Variants in RHBDD1 observed in about 807,000 individuals in gnomAD.
RHBDD1 encodes rhomboid domain containing 1.
Under a neutral mutation model 36.3 loss-of-function variants are expected in RHBDD1, and 38 were observed. The observed-to-expected ratio is 1.05, with a 90% CI of 0.81 to 1.37. The LOEUF is 1.37. RHBDD1 is among the 40% of genes most tolerant of loss of function. RHBDD1 has a pLI of 0.00. For missense variants in RHBDD1, 393 were observed against 377.6 expected (o/e 1.04, Z -0.34); for synonymous variants, 151 against 136.5 (o/e 1.11, Z -0.74).
At chr2:226,908,587 AC>A in intron 6 of RHBDD1, 1 of 402,784 alleles carries the variant, frequency 2.5e-6, no homozygotes, top group Admixed American at 3.9e-5. Context: ...TCCACTACAC[AC>A]ACACACACAC....
the RHBDD1 span, among the ~76,000 whole-genome samples, chr2:226,824,997 T>C: frequency 1.3e-5 from 2 of 152,256 alleles, no homozygotes; most frequent in African/African-American, 2.4e-5. Context: ...CTACTGTTAT[T>C]ATCACAGACT....
chr2:226,805,783 T>C, the RHBDD1 span, among the ~76,000 whole-genome samples: 1 of 152,252 alleles, frequency 6.6e-6, no homozygotes, highest in South Asian at 2.1e-4. Flanking sequence ...TCCCATGCCC[T>C]CTATTCAGTG....
chr2:226,995,170 A>G (rs1959119077), intron 8 of RHBDD1, among the ~76,000 whole-genome samples: 1 of 152,212 alleles, frequency 6.6e-6, no homozygotes, highest in African/African-American at 2.4e-5. Flanking sequence ...AGCACGATGG[A>G]AGGAAAAATA....
chr2:226,916,094 A>G (rs371935453), intron 8 of RHBDD1, among the ~76,000 whole-genome samples: 2 of 152,222 alleles, frequency 1.3e-5, no homozygotes, highest in East Asian at 1.9e-4. Flanking sequence ...GGTTTACAGG[A>G]GAGTGCAGAA....
intron 8 of RHBDD1, among the ~76,000 whole-genome samples, chr2:226,991,844 C>A (rs942387527): frequency 6.6e-6 from 1 of 152,168 alleles, no homozygotes; most frequent in South Asian, 2.1e-4. Flanking sequence ...TCAGTAGCCT[C>A]CTCTCACGTA....
chr2:226,875,921 A>G (rs1945198608), intron 5 of RHBDD1, among the ~76,000 whole-genome samples: 1 of 152,244 alleles, frequency 6.6e-6, no homozygotes, highest in Admixed American at 6.5e-5. Flanking sequence ...GCACATGAAC[A>G]TGTGAAGGAT....
chr2:226,851,965 C>G (rs1942858708), intron 3 of RHBDD1, among the ~76,000 whole-genome samples: 1 of 152,164 alleles, frequency 6.6e-6, no homozygotes, highest in South Asian at 2.1e-4. Flanking sequence ...GTTCTTCAGC[C>G]ATTCTATCCT....
At chr2:226,869,573 A>T (rs1328672216) in intron 5 of RHBDD1, among the ~76,000 whole-genome samples, 2 of 152,198 alleles carry the variant, frequency 1.3e-5, no homozygotes, top group Non-Finnish European at 2.9e-5. Flanking sequence ...AAATCTGCCA[A>T]AGCAAACATT....
intron 3 of RHBDD1, among the ~76,000 whole-genome samples, chr2:226,849,222 G>A (rs1313607527): frequency 6.6e-6 from 1 of 152,240 alleles, no homozygotes; most frequent in Admixed American, 6.5e-5. Context: ...TAATGCTAAA[G>A]CCAGTCAGTA....
Position 226,978,767 on chromosome 2 carries a change from C to T in RHBDD1, c.857-16664C>T, listed in dbSNP as rs567738844. Among the ~76,000 whole-genome samples, 7 of 152,286 alleles carry T rather than the reference C, an allele frequency of 4.6e-5. No individual in the cohort carries two copies. In the South Asian group the frequency reaches 1.5e-3, roughly 32 times the overall value. ...TCCTGTGAGAGCTTCAGGCAAAGGA[C>T]CCTCACTGGGGGTGATCAGAGGACA... On this transcript the variant is annotated intron_variant, in intron 8 of 8. Coordinates refer to ENST00000392062, the MANE Select transcript of RHBDD1 (RefSeq NM_001167608.3).
chr2:226,831,056 G>A (rs2124864096), upstream of RHBDD1, among the ~76,000 whole-genome samples: 1 of 152,272 alleles, frequency 6.6e-6, no homozygotes, highest in East Asian at 1.9e-4. Flanking sequence ...ATACTTCATT[G>A]GGAATTTTTG....
chr2:226,848,883 G>A (rs1288714475), intron 3 of RHBDD1, among the ~76,000 whole-genome samples: 1 of 152,160 alleles, frequency 6.6e-6, no homozygotes, highest in Non-Finnish European at 1.5e-5. Flanking sequence ...GATTGAATAG[G>A]GTAATCATGT....
intron 8 of RHBDD1, among the ~76,000 whole-genome samples, chr2:226,974,878 A>G (rs1186411786): frequency 1.3e-5 from 2 of 152,212 alleles, no homozygotes; most frequent in African/African-American, 4.8e-5. Flanking sequence ...GCTCAGGGAC[A>G]TCCTGGAGAT....
chr2:226,819,977 GTTT>G, the RHBDD1 span, among the ~76,000 whole-genome samples: 5,858 of 118,394 alleles, frequency 0.049, 134 homozygotes, highest in African/African-American at 0.076. Flanking sequence ...TATTGTGTGT[GTTT>G]TTTTTTTTTT....
At chr2:226,966,152 T>A (rs953543395) in intron 8 of RHBDD1, among the ~76,000 whole-genome samples, 1 of 152,146 alleles carries the variant, frequency 6.6e-6, no homozygotes, top group Non-Finnish European at 1.5e-5. Flanking sequence ...CCAGCATTAT[T>A]TGGGTGAGTA....
At chr2:226,952,293 GTTTTT>G (rs5839184) in intron 8 of RHBDD1, among the ~76,000 whole-genome samples, 9 of 71,218 alleles carry the variant, frequency 1.3e-4, no homozygotes, top group African/African-American at 4.7e-4. Flanking sequence ...TTTTGGTTTG[GTTTTT>G]TTTTTTTTTT....
Position 226,934,497 on chromosome 2 carries a change from C to T in RHBDD1, c.856+20146C>T, listed in dbSNP as rs1950218724. 6.6e-5 allele frequency among the ~76,000 whole-genome samples: 10 copies of T among 152,044 alleles called. No homozygotes were observed. The South Asian group carries it at 2.1e-3, about 32-fold the overall frequency. ...AATCAAGGTAGCTAGCAACTTTTAA[C>T]CTCAGAATTTGCTATTATCGTATTT... On this transcript the variant is annotated intron_variant, in intron 8 of 8. Coordinates refer to ENST00000392062, the MANE Select transcript of RHBDD1 (RefSeq NM_001167608.3).
intron 8 of RHBDD1, among the ~76,000 whole-genome samples, chr2:226,988,125 T>G (rs994899235): frequency 2.6e-5 from 4 of 152,202 alleles, no homozygotes; most frequent in African/African-American, 9.7e-5. Context: ...TTATTCTATT[T>G]TGAGCTCAGT....
At chr2:226,993,494 G>A (rs1193104939) in intron 8 of RHBDD1, among the ~76,000 whole-genome samples, 2 of 152,230 alleles carry the variant, frequency 1.3e-5, no homozygotes, top group African/African-American at 4.8e-5. Context: ...ACAGTTTTAA[G>A]CAATCAACTA....
Sources: gnomAD v4.1 joint callset for allele counts (sites outside exome capture counted in the v4.1 genomes callset) on GRCh38, gnomAD v4.1.1 for gene constraint, MANE v1.5 for transcripts, NCBI Gene and HGNC (gene_info 2026-07-23, HGNC 2026-07-21) for gene names.